The following CAGE1 variants were observed in gnomAD, a reference collection of about 807,000 sequenced individuals.
The protein encoded by CAGE1 is cancer antigen 1, also known as cancer-associated gene 1 protein.
In CAGE1, 66 loss-of-function variants were observed where a neutral mutation model predicts 94.9. That is an observed-to-expected ratio of 0.70 (90% CI 0.57 to 0.85). CAGE1 has a LOEUF of 0.85. Ranked by LOEUF, CAGE1 falls within the 40% of genes least tolerant of loss-of-function variation. The pLI, the probability that CAGE1 is intolerant of heterozygous loss-of-function variation, is 0.00. For missense variants in CAGE1, 865 were observed against 950.4 expected (o/e 0.91, Z 1.18); for synonymous variants, 319 against 321.0 (o/e 0.99, Z 0.07).
Position 7,338,845 on chromosome 6 carries a change from T to C in CAGE1, c.2370-4755A>G, listed in dbSNP as rs112518897. 19 of 1,219,442 alleles carry C rather than the reference T, an allele frequency of 1.6e-5. 1 individual carries two copies. In the African/African-American group the frequency reaches 1.6e-4, roughly 10 times the overall value. 75.5% of individuals were successfully genotyped at this position (1,219,442 alleles called of 1,614,324 possible). ...AGCTGCCAAGGAGATCCTGTTATGCTGTGGTGACTGAGGGCACGGCAGGAG... is the reference window on the plus strand; with the variant it reads ...AGCTGCCAAGGAGATCCTGTTATGCCGTGGTGACTGAGGGCACGGCAGGAG... On this transcript the variant is annotated intron_variant, in intron 11 of 13. Coordinates refer to ENST00000502583, the MANE Select transcript of CAGE1 (RefSeq NM_001170692.2).
chr6:7,330,293 C>G (rs1265397748), intron 12 of CAGE1, among the ~76,000 whole-genome samples: 1 of 152,068 alleles, frequency 6.6e-6, no homozygotes, highest in Non-Finnish European at 1.5e-5. Flanking sequence ...AAGGCTGAGG[C>G]GGAGAATTGC....
chr6:7,389,180 T>A, intron 1 of CAGE1, 22 bp downstream of exon 1: 1 of 440,264 alleles, frequency 2.3e-6, no homozygotes. Flanking sequence ...AAAAGCTTTT[T>A]CAGTTGTAAG....
intron 3 of CAGE1, among the ~76,000 whole-genome samples, chr6:7,383,384 TATTTGGTGTGAGGTAAGGTTCTAATC>T (rs1340010787): frequency 6.6e-6 from 1 of 152,258 alleles, no homozygotes; most frequent in Non-Finnish European, 1.5e-5. Context: ...CTTTATTTTG[TATTTGGTGTGAGGTAAGGTTCTAATC>T]ATTTTCTGCA....
At chr6:7,328,924 A>ATTTTT (rs1264134177) in intron 13 of CAGE1, among the ~76,000 whole-genome samples, 1 of 74,104 alleles carries the variant, frequency 1.3e-5, no homozygotes. Flanking sequence ...GTGTGTATAT[A>ATTTTT]TATATATATA....
intron 5 of CAGE1, among the ~76,000 whole-genome samples, chr6:7,370,949 A>G (rs976200903): frequency 2.0e-5 from 3 of 152,390 alleles, no homozygotes; most frequent in African/African-American, 7.2e-5. Flanking sequence ...CAGAGTAAGT[A>G]TGAATTCAGT....
rs1561864567 is a variant in CAGE1 at position 7,373,718 on chromosome 6, G to C, written c.1101C>G (p.Asp367Glu). The stretch of plus-strand genomic sequence containing the variant: ...TCTTCTCTAGGATTATTTTGTATTT[G>C]TCTTCAATTAATTCTTCAACATTCT... ...LKENVEELIE[D>E]KYKIILEKND... The change falls in exon 5 of 14, where the codon GAC becomes GAG. Residue 367 changes from aspartate to glutamate, a missense_variant. Asp to Glu is a conservative substitution (Grantham distance 45). Coordinates refer to ENST00000502583, the MANE Select transcript of CAGE1 (RefSeq NM_001170692.2). 1.2e-6 allele frequency: 2 copies of C among 1,612,368 alleles called. No homozygotes were observed. Among genetic ancestry groups the C allele is most frequent in the Non-Finnish European group, 8.5e-7 (1 of 1,178,948 alleles).
intron 9 of CAGE1, among the ~76,000 whole-genome samples, chr6:7,364,801 A>G (rs1760271110): frequency 6.6e-6 from 1 of 152,184 alleles, no homozygotes; most frequent in South Asian, 2.1e-4. Context: ...AAATTACAAA[A>G]GAGGAAAGCT....
At chr6:7,388,993 T>C (rs1374761274) in intron 1 of CAGE1, among the ~76,000 whole-genome samples, 2 of 152,252 alleles carry the variant, frequency 1.3e-5, no homozygotes, top group African/African-American at 2.4e-5. Flanking sequence ...TTTACCTTTT[T>C]AATTTAAAGT....
chr6:7,387,995 T>G (rs1167620660), intron 1 of CAGE1, among the ~76,000 whole-genome samples: 7 of 136,372 alleles, frequency 5.1e-5, no homozygotes, highest in Non-Finnish European at 3.0e-5. Context: ...GATGGCCCAC[T>G]GCACTCCAGC....
chr6:7,372,665 T>C (rs1400061936), intron 5 of CAGE1, among the ~76,000 whole-genome samples: 1 of 152,016 alleles, frequency 6.6e-6, no homozygotes, highest in Non-Finnish European at 1.5e-5. Flanking sequence ...TCTGTTTTTC[T>C]TTTTTCTTTT....
In CAGE1 at chr6:7,345,767, C is replaced by CA. The variant is rs372068849; in HGVS notation, c.2369+9273dup. On this transcript the variant is annotated intron_variant, in intron 11 of 13. Coordinates refer to ENST00000502583, the MANE Select transcript of CAGE1 (RefSeq NM_001170692.2). Reference sequence around the variant, plus strand: ...TAAAACCCCGTCTCTACTAAAAATACAAAAAAAATTAGCTGGGCGTCGTGG... The same window carrying CA: ...TAAAACCCCGTCTCTACTAAAAATACAAAAAAAAATTAGCTGGGCGTCGTGG... 3.7e-3 allele frequency among the ~76,000 whole-genome samples: 562 copies of CA among 151,552 alleles called. 2 individuals are homozygous for CA. The highest frequency in any genetic ancestry group is 6.8e-3 in the Middle Eastern group (2 of 294).
intron 7 of CAGE1, among the ~76,000 whole-genome samples, chr6:7,368,171 T>C (rs1760414503): frequency 6.7e-6 from 1 of 148,310 alleles, no homozygotes; most frequent in African/African-American, 2.6e-5. Context: ...AAGAATCACT[T>C]GAACCTGGGA....
Position 7,387,068 on chromosome 6 carries a change from T to C in CAGE1, c.106A>G (p.Met36Val). The change falls in exon 2 of 14, where the codon ATG becomes GTG. Residue 36 changes from methionine to valine, a missense_variant. Coordinates refer to ENST00000502583, the MANE Select transcript of CAGE1 (RefSeq NM_001170692.2). ...KVESMSESDTMNVSNLSQGVM... is the reference protein window; with the variant it reads ...KVESMSESDTVNVSNLSQGVM... ...CCTTGAGAAAGATTGCTGACATTCA[T>C]GGTATCCGATTCTGACATGCTTTCT... The C allele has an allele frequency of 6.4e-7, 1 of 1,551,678 alleles. No homozygotes were observed. The highest frequency in any genetic ancestry group is 2.4e-5 in the East Asian group (1 of 40,918).
At chr6:7,331,407 T>C in intron 12 of CAGE1, 1 of 699,680 alleles carries the variant, frequency 1.4e-6, no homozygotes, top group Non-Finnish European at 2.2e-6. Flanking sequence ...GTTTCTGGCA[T>C]AACCAATGAT....
At position 7,339,336 on chromosome 6, in the gene CAGE1, C is replaced by A; in HGVS notation, c.2370-5246G>T. On this transcript the variant is annotated intron_variant, in intron 11 of 13. Transcript: ENST00000502583. The surrounding 1 kb of genome is among the most constrained non-coding windows in gnomAD (Gnocchi z 4.7). ...AAGCTCTACACTGCCCTCTGGAGAG[C>A]CAAACCTCTTCTGAACTACAGCAGT... 1.2e-6 allele frequency: 2 copies of A among 1,605,854 alleles called. No individual in the cohort carries two copies.
chr6:7,343,198 A>AAAAAAAAAAAAAAG (rs574460085), intron 11 of CAGE1, among the ~76,000 whole-genome samples: 27 of 137,356 alleles, frequency 2.0e-4, no homozygotes, highest in South Asian at 4.5e-4. Context: ...CACAAAAAAA[A>AAAAAAAAAAAAAAG]AAAAGAAAAG....
At chr6:7,370,938 G>C (rs1254546045) in intron 5 of CAGE1, among the ~76,000 whole-genome samples, 1 of 152,152 alleles carries the variant, frequency 6.6e-6, no homozygotes, top group Non-Finnish European at 1.5e-5. Context: ...AAAACTATAA[G>C]CAGAGTAAGT....
intron 11 of CAGE1, among the ~76,000 whole-genome samples, chr6:7,352,244 C>G (rs570317158): frequency 8.2e-6 from 1 of 121,242 alleles, no homozygotes; most frequent in Non-Finnish European, 1.6e-5. Flanking sequence ...CAACAGCGAC[C>G]AAGTGGAGAA....
chr6:7,389,528 G>A lies in CAGE1; in HGVS notation c.-350C>T. On this transcript the variant is annotated 5_prime_UTR_variant, in exon 1 of 14. Transcript: ENST00000502583. ...CTACTGTGGGTGCGGTGTCTTCCCAGAGAGTGGTGAAGTTAGGAAGGTACG... is the reference window on the plus strand; with the variant it reads ...CTACTGTGGGTGCGGTGTCTTCCCAAAGAGTGGTGAAGTTAGGAAGGTACG... 2.8e-6 allele frequency: 1 copy of A among 352,982 alleles called. No individual in the cohort carries two copies. Among genetic ancestry groups the A allele is most frequent in the South Asian group, 2.1e-5 (1 of 47,632 alleles). 21.9% of individuals were successfully genotyped at this position (352,982 alleles called of 1,614,324 possible).
Sources: allele counts gnomAD v4.1 joint callset (sites outside exome capture counted in the v4.1 genomes callset), GRCh38; gene constraint gnomAD v4.1.1; non-coding constraint Gnocchi (gnomAD v3.1); transcripts MANE v1.5; gene names NCBI Gene and HGNC (gene_info 2026-07-23, HGNC 2026-07-21).